Variants in SNX29 observed in about 807,000 individuals in gnomAD.
The protein encoded by SNX29 is sorting nexin-29.
A neutral mutation model predicts 102.1 loss-of-function variants in SNX29; 78 were observed. The ratio of observed to expected loss-of-function variants is 0.76; its 90% CI spans 0.64 to 0.92. SNX29 has a LOEUF of 0.92. Among genes scored for constraint, SNX29 ranks in the 40% least tolerant of loss-of-function variants. SNX29 has a pLI of 0.00. For synonymous variants in SNX29, 580 were observed against 414.5 expected, an observed-to-expected ratio of 1.40 and a Z score of -4.85; for missense variants, 1,280 against 1,061.7, an observed-to-expected ratio of 1.21 and a Z score of -2.86.
chr16:12,010,876 G>A (rs923488019), intron 3 of SNX29, among the ~76,000 whole-genome samples: 2 of 152,034 alleles, frequency 1.3e-5, no homozygotes, highest in East Asian at 1.9e-4. Context: ...AAACTGTCAC[G>A]TGTATCCCCC....
At chr16:12,366,042 CAAAAAAAAAAAA>C (rs55895030) in intron 16 of SNX29, among the ~76,000 whole-genome samples, 727 of 72,450 alleles carry the variant, frequency 0.01, 4 homozygotes, top group African/African-American at 0.014. Context: ...ACTCTTGTCT[CAAAAAAAAAAAA>C]AAAAAAAAAA....
At chr16:12,564,056 G>C (rs1376658779) in intron 20 of SNX29, among the ~76,000 whole-genome samples, 1 of 106,842 alleles carries the variant, frequency 9.4e-6, no homozygotes, top group Non-Finnish European at 2.3e-5. Flanking sequence ...TTGTGGTTTG[G>C]CAACGATGCT....
chr16:12,246,684 G>C (rs1371092288), intron 14 of SNX29, among the ~76,000 whole-genome samples: 1 of 152,170 alleles, frequency 6.6e-6, no homozygotes, highest in Non-Finnish European at 1.5e-5. Flanking sequence ...TTTCATGGTT[G>C]ACTCCCTGAG....
Position 12,197,796 on chromosome 16 carries a change from G to T in SNX29, c.1596-1805G>T, listed in dbSNP as rs886503612. Among the ~76,000 whole-genome samples, 10 of 152,184 alleles carry T rather than the reference G, an allele frequency of 6.6e-5. No homozygotes were observed. In the South Asian group the frequency reaches 2.1e-3, roughly 32 times the overall value. ...GGTTTACTTTCTCCAGAGCTTTGGA[G>T]ATGAACGTCGAGTTCTCAGGTGATG... is the stretch of plus-strand genomic sequence containing the variant. On this transcript the variant is annotated intron_variant, in intron 13 of 20. Transcript: ENST00000566228.
At chr16:12,150,616 C>T (rs554880244) in intron 13 of SNX29, among the ~76,000 whole-genome samples, 25 of 152,280 alleles carry the variant, frequency 1.6e-4, no homozygotes, top group African/African-American at 6.0e-4. Flanking sequence ...CCAGGAACAG[C>T]GTCTAATGAG....
chr16:12,372,371 T>A (rs1297578719), intron 16 of SNX29, among the ~76,000 whole-genome samples: 4 of 152,256 alleles, frequency 2.6e-5, no homozygotes, highest in Non-Finnish European at 5.9e-5. Flanking sequence ...TAATGTTCTT[T>A]AAATTCCTGT....
chr16:12,533,045 A>G (rs1387926665), intron 20 of SNX29, among the ~76,000 whole-genome samples: 3 of 152,024 alleles, frequency 2.0e-5, no homozygotes, highest in Admixed American at 2.0e-4. Context: ...CAAGGGCAGG[A>G]AGGGGAAACG....
chr16:12,416,010 T>C (rs1041434807), intron 18 of SNX29, among the ~76,000 whole-genome samples: 1 of 152,086 alleles, frequency 6.6e-6, no homozygotes. Flanking sequence ...AGGGCCGTAC[T>C]GTCAGACACA....
chr16:12,567,338 T>C (rs2079054006), intron 20 of SNX29, among the ~76,000 whole-genome samples: 1 of 152,158 alleles, frequency 6.6e-6, no homozygotes, highest in African/African-American at 2.4e-5. Flanking sequence ...GGAGTGGACA[T>C]GGATCCTGTT....
chr16:12,544,089 G>C (rs2077472623), intron 20 of SNX29, among the ~76,000 whole-genome samples: 1 of 152,214 alleles, frequency 6.6e-6, no homozygotes, highest in Non-Finnish European at 1.5e-5. Flanking sequence ...TCTTTCTGCA[G>C]ACTTGGTTGT....
chr16:12,523,145 G>A (rs544158031), intron 19 of SNX29, among the ~76,000 whole-genome samples: 28 of 152,292 alleles, frequency 1.8e-4, no homozygotes, highest in East Asian at 5.8e-4. Flanking sequence ...ACCAGGGCAC[G>A]TGATGCTAGG....
chr16:12,175,521 C>A (rs975137134), intron 13 of SNX29, among the ~76,000 whole-genome samples: 1 of 151,972 alleles, frequency 6.6e-6, no homozygotes, highest in Non-Finnish European at 1.5e-5. Flanking sequence ...GATGGTGGTA[C>A]ACACCTGTAA....
In SNX29 at chr16:12,449,958, C is replaced by T. The variant is rs1393875943; in HGVS notation, c.2038-27761C>T. On this transcript the variant is annotated intron_variant, in intron 18 of 20. Coordinates refer to ENST00000566228, the MANE Select transcript of SNX29 (RefSeq NM_032167.5). ...AATTCCCCACGTGTTGTGGGAGGGA[C>T]CCGGTGGGAGACAACTGAATCATGG... Among the ~76,000 whole-genome samples, 3 of 152,278 alleles carry T rather than the reference C, an allele frequency of 2.0e-5. No homozygotes were observed. In the East Asian group the frequency reaches 5.8e-4, roughly 29 times the overall value.
chr16:12,399,834 C>T (rs747033891), intron 17 of SNX29, among the ~76,000 whole-genome samples: 3 of 151,842 alleles, frequency 2.0e-5, no homozygotes, highest in Admixed American at 6.6e-5. Context: ...GGCTTGTGGG[C>T]AGGGGGAGCA....
rs866794763 is a variant in SNX29, at chr16:12,572,108, G to C, written c.*3479G>C. 7 of 1,050,898 alleles carry C rather than the reference G, an allele frequency of 6.7e-6. 1 individual carries two copies. The Middle Eastern group carries it at 1.3e-3, about 191-fold the overall frequency. The allele number at this position is 1,050,898 out of a possible 1,614,324, so 65.1% of individuals were successfully genotyped here. On this transcript the variant is annotated 3_prime_UTR_variant, in exon 21 of 21. Coordinates refer to ENST00000566228, the MANE Select transcript of SNX29 (RefSeq NM_032167.5). ...AAGGGGAGGGATGTGGACTGGGTCT[G>C]ATCACAGCCCTTGGCCCTGCTTCAT...
chr16:11,999,168 A>G, intron 1 of SNX29, 129 bp from the exon 2 acceptor site: 1 of 767,660 alleles, frequency 1.3e-6, no homozygotes, highest in Admixed American at 2.7e-5. Context: ...CTTCATTGTA[A>G]TGATACAGAT....
intron 11 of SNX29, among the ~76,000 whole-genome samples, chr16:12,089,101 A>G (rs141376309): frequency 1.4e-5 from 2 of 147,924 alleles, no homozygotes; most frequent in East Asian, 2.1e-4. Context: ...GAAAGAAAGA[A>G]AGAGAGGAGA....
At chr16:12,346,137 C>T (rs755243021) in intron 15 of SNX29, among the ~76,000 whole-genome samples, 27 of 151,880 alleles carry the variant, frequency 1.8e-4, no homozygotes, top group Admixed American at 1.3e-4. Flanking sequence ...ATTTGAGCGT[C>T]AGCTGGTGGC....
chr16:12,348,156 TAGACA>T (rs1188978963), intron 15 of SNX29, among the ~76,000 whole-genome samples: 3 of 152,008 alleles, frequency 2.0e-5, no homozygotes, highest in Admixed American at 2.0e-4. Context: ...CAGCAGTGAG[TAGACA>T]GGACCTGGAT....
Sources: gnomAD v4.1 joint callset for allele counts (sites outside exome capture counted in the v4.1 genomes callset) on GRCh38, gnomAD v4.1.1 for gene constraint, MANE v1.5 for transcripts, NCBI Gene and HGNC (gene_info 2026-07-23, HGNC 2026-07-21) for gene names.